Variants in TTLL8 observed in about 807,000 individuals in gnomAD.
TTLL8 encodes the protein protein monoglycylase TTLL8.
A neutral mutation model predicts 77.8 loss-of-function variants in TTLL8; 65 were observed. That is an observed-to-expected ratio of 0.84 (90% confidence interval 0.68 to 1.03). The LOEUF is 1.03. TTLL8 is among the 50% of genes least tolerant of loss of function. The pLI is 0.00. For missense variants in TTLL8, 910 were observed against 1,004.5 expected (o/e 0.91, Z 1.27); for synonymous variants, 402 against 422.8 (o/e 0.95, Z 0.60).
chr22:50,032,322 C>T (rs975219322), intron 10 of TTLL8, among the ~76,000 whole-genome samples: 6 of 152,222 alleles, frequency 3.9e-5, no homozygotes, highest in African/African-American at 7.2e-5. Flanking sequence ...ATTGGCCAGG[C>T]GCACAGCTCA....
In TTLL8 at chr22:50,034,739, T is replaced by G. The variant is rs2061324085; in HGVS notation, c.922-277A>C. Reference sequence around the variant, plus strand: ...GGGACCCCGGTGTGTGGGTCGGAGCTGGCCACAGACCCCAAGCAGCACCCT... The same window carrying G: ...GGGACCCCGGTGTGTGGGTCGGAGCGGGCCACAGACCCCAAGCAGCACCCT... On this transcript the variant is annotated intron_variant, in intron 8 of 13. Transcript: ENST00000266182. The surrounding 1 kb of genome is among the most constrained non-coding windows in gnomAD (Gnocchi z 4.1). Among the ~76,000 whole-genome samples the G allele has an allele frequency of 6.8e-6, 1 of 147,348 alleles. No individual in the cohort carries two copies.
chr22:50,033,963 G>A (rs992860941), intron 9 of TTLL8, among the ~76,000 whole-genome samples: 1 of 152,224 alleles, frequency 6.6e-6, no homozygotes, highest in Non-Finnish European at 1.5e-5. Context: ...AACCTGGAAG[G>A]TGGAGGTTGC....
At chr22:50,021,991 G>C (rs925456918) in intron 12 of TTLL8, among the ~76,000 whole-genome samples, 1 of 146,490 alleles carries the variant, frequency 6.8e-6, no homozygotes, top group Non-Finnish European at 1.5e-5. Context: ...TCCTCCATCT[G>C]ACGTGCACTC....
At chr22:50,037,899 C>CA (rs974903346) in intron 8 of TTLL8, among the ~76,000 whole-genome samples, 9 of 151,514 alleles carry the variant, frequency 5.9e-5, no homozygotes, top group Non-Finnish European at 1.0e-4. Flanking sequence ...TGCCCCCCAA[C>CA]AAAAAAAATA....
intron 12 of TTLL8, among the ~76,000 whole-genome samples, chr22:50,021,047 C>A (rs2061194682): frequency 1.1e-5 from 1 of 93,516 alleles, no homozygotes; most frequent in African/African-American, 3.7e-5. Context: ...ATCTGATGTG[C>A]ACTCCTCCAT....
intron 12 of TTLL8, among the ~76,000 whole-genome samples, chr22:50,022,008 CTGA>C (rs1449342774): frequency 1.3e-5 from 2 of 150,904 alleles, no homozygotes; most frequent in African/African-American, 2.4e-5. Flanking sequence ...ACTCCTCCAT[CTGA>C]TGATGTGCGC....
upstream of TTLL8, chr22:50,056,739 T>C (rs772024012): frequency 1.6e-6 from 2 of 1,271,568 alleles, no homozygotes; most frequent in Non-Finnish European, 2.0e-6. This position sits in a 1 kb window ranked among gnomAD's most constrained non-coding sequence, Gnocchi z 4.1. Context: ...AGGCGCCTGG[T>C]TCTGCAGCTC....
intron 3 of TTLL8, among the ~76,000 whole-genome samples, chr22:50,047,755 G>T (rs1007201933): frequency 2.6e-5 from 4 of 152,208 alleles, no homozygotes; most frequent in African/African-American, 9.7e-5. Context: ...GGAGCTGGGG[G>T]CCTGTTGTTG....
chr22:50,046,567 G>A (rs926127553), intron 4 of TTLL8, among the ~76,000 whole-genome samples: 6 of 152,248 alleles, frequency 3.9e-5, no homozygotes, highest in African/African-American at 1.2e-4. Flanking sequence ...CAGCGCTGGC[G>A]CTGGCCTGAC....
At chr22:50,055,231 T>G, upstream of TTLL8, 3 of 1,289,384 alleles carry the variant, frequency 2.3e-6, no homozygotes, top group Non-Finnish European at 3.0e-6. Flanking sequence ...AAGGAGCATT[T>G]ACCTTGATTG....
chr22:50,031,983 G>A, exon 11 of TTLL8: 1 of 1,366,732 alleles, frequency 7.3e-7, no homozygotes, highest in Non-Finnish European at 9.8e-7. Context: ...CGGCGCCACG[G>A]CCCTGGCGCT....
In TTLL8 at chr22:50,033,446, C is replaced by T. The variant is rs908010027; in HGVS notation, c.1040-1G>A. 5.1e-6 allele frequency: 7 copies of T among 1,359,426 alleles called. No homozygotes were observed. The African/African-American group carries it at 1.0e-4, about 20-fold the overall frequency. 84.2% of individuals were successfully genotyped at this position (1,359,426 alleles called of 1,614,324 possible). A position where few individuals can be genotyped will look rare whatever the true frequency, so the allele number is the denominator to read the frequency against. ...TCCACACGGTCCATGCACACTATGT[C>T]TGCAAGAGGCCACCGCTCAACCCAG... On this transcript the variant is annotated splice_acceptor_variant, in intron 9 of 13. Transcript: ENST00000266182. LOFTEE classifies it high-confidence loss of function.
At chr22:50,053,250 A>G (rs1355048594) in intron 1 of TTLL8, among the ~76,000 whole-genome samples, 1 of 151,310 alleles carries the variant, frequency 6.6e-6, no homozygotes, top group East Asian at 1.9e-4. Flanking sequence ...CACACTCTAC[A>G]CCAACTGTTA....
At position 50,034,817 on chromosome 22, in the gene TTLL8, G is replaced by A. The variant is rs1030145703; in HGVS notation, c.922-355C>T. 1.3e-5 allele frequency among the ~76,000 whole-genome samples: 2 copies of A among 152,194 alleles called. No individual in the cohort carries two copies. The highest frequency in any genetic ancestry group is 2.4e-5 in the African/African-American group (1 of 41,458). On this transcript the variant is annotated intron_variant, in intron 8 of 13. Transcript: ENST00000266182. This position sits in a 1 kb window ranked among gnomAD's most constrained non-coding sequence, Gnocchi z 4.1. Reference sequence around the variant, plus strand: ...GGTGGGGGTGGGGAGATGCAGCCACGCGGAAACGTGGGAGACACAGGCGGG... The same window carrying A: ...GGTGGGGGTGGGGAGATGCAGCCACACGGAAACGTGGGAGACACAGGCGGG...
At chr22:50,050,368 A>G (rs868742575) in intron 1 of TTLL8, 121 bp from the exon 4 acceptor site, 3 of 597,166 alleles carry the variant, frequency 5.0e-6, no homozygotes, top group South Asian at 3.4e-5. Flanking sequence ...CCATCACCCA[A>G]TATGTCCTTT....
chr22:50,028,681 C>T (rs1461767625), intron 12 of TTLL8, among the ~76,000 whole-genome samples: 3 of 61,734 alleles, frequency 4.9e-5, no homozygotes, highest in East Asian at 3.7e-4. Flanking sequence ...CACACACACT[C>T]GTAAAGACCC....
At chr22:50,028,724 C>T (rs1237933060) in intron 12 of TTLL8, among the ~76,000 whole-genome samples, 2 of 43,932 alleles carry the variant, frequency 4.6e-5, no homozygotes, top group Non-Finnish European at 1.1e-4. Flanking sequence ...CACACACCCT[C>T]GTAAAGACCC....
At chr22:50,020,433 C>T (rs371950231) in intron 12 of TTLL8, among the ~76,000 whole-genome samples, 61 of 149,992 alleles carry the variant, frequency 4.1e-4, no homozygotes, top group African/African-American at 1.4e-3. Context: ...CTGACGTGCA[C>T]TACTCCATCT....
At chr22:50,028,394 C>G (rs918279832) in intron 12 of TTLL8, among the ~76,000 whole-genome samples, 1 of 152,186 alleles carries the variant, frequency 6.6e-6, no homozygotes, top group Non-Finnish European at 1.5e-5. Flanking sequence ...TGGGAGGCCA[C>G]GTCACTGGCC....
Sources: gnomAD v4.1 joint callset for allele counts (sites outside exome capture counted in the v4.1 genomes callset) on GRCh38, gnomAD v4.1.1 for gene constraint, Gnocchi (gnomAD v3.1) non-coding constraint, MANE v1.5 for transcripts, NCBI Gene and HGNC (gene_info 2026-07-23, HGNC 2026-07-21) for gene names.